The following ABCA12 variants were observed in gnomAD, a reference collection of about 807,000 sequenced individuals.
ABCA12 encodes ATP binding cassette subfamily A member 12, also known as glucosylceramide transporter ABCA12.
In ABCA12, 156 loss-of-function variants were observed where a neutral mutation model predicts 293.5. The observed-to-expected ratio is 0.53, with a 90% CI of 0.47 to 0.61. The LOEUF is 0.61. Among genes scored for constraint, ABCA12 ranks in the 20% least tolerant of loss-of-function variants. ABCA12 has a pLI of 0.00. For synonymous variants in ABCA12, 1,063 were observed against 1,108.0 expected (o/e 0.96, Z 0.81); for missense variants, 2,797 against 3,090.2 (o/e 0.91, Z 2.25).
intron 49 of ABCA12, among the ~76,000 whole-genome samples, chr2:214,944,763 A>T (rs1698524351): frequency 6.6e-6 from 1 of 152,040 alleles, no homozygotes. Context: ...TCACCATGAA[A>T]CCTGCCTGAC....
At chr2:215,120,463 A>G (rs541478124) in intron 1 of ABCA12, among the ~76,000 whole-genome samples, 1 of 152,196 alleles carries the variant, frequency 6.6e-6, no homozygotes, top group Admixed American at 6.5e-5. Flanking sequence ...TGCAAGAGAA[A>G]GATAAAGAAA....
At chr2:215,131,702 GTTTTTTTTT>G (rs35844951) in intron 1 of ABCA12, among the ~76,000 whole-genome samples, 2 of 80,182 alleles carry the variant, frequency 2.5e-5, no homozygotes, top group South Asian at 9.5e-4. Context: ...CCTTTCTATT[GTTTTTTTTT>G]TTTTTTTTTT....
At chr2:215,063,568 T>C (rs1701577837) in intron 3 of ABCA12, among the ~76,000 whole-genome samples, 1 of 152,032 alleles carries the variant, frequency 6.6e-6, no homozygotes, top group African/African-American at 2.4e-5. Context: ...ATTTAAAGGT[T>C]GTCATTCAAT....
chr2:214,944,748 T>C (rs913689328), intron 49 of ABCA12, among the ~76,000 whole-genome samples: 1 of 152,092 alleles, frequency 6.6e-6, no homozygotes, highest in African/African-American at 2.4e-5. Context: ...ACAGGAACTA[T>C]ATTCTCACCA....
chr2:214,959,058 G>T lies in ABCA12; in HGVS notation c.5905C>A (p.Pro1969Thr). Residue 1969 changes from proline to threonine, a missense_variant, in exon 40 of 53, where the codon CCT (proline) becomes ACT (threonine). Coordinates refer to ENST00000272895, the MANE Select transcript of ABCA12 (RefSeq NM_173076.3). ...TCTTGGTCTTGCACTCCTGGATAAG[G>T]ATGGCTATACATGATGATGCCTTAA... ...ARHGIIMYSHPYPGVQDQEQA... is the reference protein window; with the variant it reads ...ARHGIIMYSHTYPGVQDQEQA... The T allele has an allele frequency of 6.2e-7, 1 of 1,613,868 alleles. No individual in the cohort carries two copies. The highest frequency in any genetic ancestry group is 1.1e-5 in the South Asian group (1 of 91,082).
rs1442589741 is a variant in ABCA12 at position 215,000,936 on chromosome 2, T to C, written c.2948A>G (p.Tyr983Cys). Residue 983 changes from tyrosine (Y) to cysteine (C), a missense_variant, in exon 22 of 53, where the codon TAT (tyrosine) becomes TGT (cysteine). This residue lies in a region of ABCA12 where 2,130 missense variants were observed against 2,427.0 expected (regional missense o/e 0.88). Transcript: ENST00000272895. ...GNVFLPPVIK[Y>C]TIRMSLKTAQ... Reference sequence around the variant, plus strand: ...GGTCTTGAGACTCATCCGGATGGTATATTTTATGACAGGAGGAAGAAAGAC... The same window carrying C: ...GGTCTTGAGACTCATCCGGATGGTACATTTTATGACAGGAGGAAGAAAGAC... 7 of 1,614,070 alleles carry C rather than the reference T, an allele frequency of 4.3e-6. No homozygotes were observed. Among genetic ancestry groups the C allele is most frequent in the Non-Finnish European group, 2.5e-6 (3 of 1,179,980 alleles).
At chr2:215,023,062 G>C (rs1026879659) in intron 11 of ABCA12, 1 of 152,126 alleles carries the variant, frequency 6.6e-6, no homozygotes, top group Non-Finnish European at 1.5e-5. Context: ...TGAATGCCAG[G>C]GTTCACCACT....
chr2:215,100,727 C>T (rs1265159901), intron 2 of ABCA12, among the ~76,000 whole-genome samples: 1 of 152,122 alleles, frequency 6.6e-6, no homozygotes, highest in Non-Finnish European at 1.5e-5. Flanking sequence ...CTTTACAGCC[C>T]TAGGCACATC....
chr2:215,064,103 G>A lies in ABCA12; in HGVS notation c.280C>T (p.Arg94Cys), dbSNP rs567588953. 63 of 1,612,842 alleles carry A rather than the reference G, an allele frequency of 3.9e-5. 1 individual carries two copies. In the South Asian group the frequency reaches 5.7e-4, roughly 15 times the overall value. The change falls in exon 3 of 53, where the codon CGT becomes TGT. Residue 94 changes from arginine (R) to cysteine (C), a missense_variant. This residue lies in a region of ABCA12 where 656 missense variants were observed against 638.2 expected (regional missense o/e 1.03). Transcript: ENST00000272895. ...AGTGCATCATCAATTCCTTTCCTAC[G>A]AAGCAGATCTTGTGGGCCATAGGGT... is the stretch of plus-strand genomic sequence containing the variant. ...DTPYGPQDLL[R>C]RKGIDDALFK...
chr2:215,041,956 G>T (rs1162815379), intron 7 of ABCA12, among the ~76,000 whole-genome samples: 1 of 152,140 alleles, frequency 6.6e-6, no homozygotes, highest in East Asian at 1.9e-4. Flanking sequence ...TTCTTGTATG[G>T]GAAGTATCTA....
chr2:215,030,410 T>C (rs1700847273), intron 9 of ABCA12, among the ~76,000 whole-genome samples: 1 of 147,176 alleles, frequency 6.8e-6, no homozygotes, highest in African/African-American at 2.5e-5. Context: ...CCGGCTAACA[T>C]GGTGAAACCC....
chr2:215,136,204 C>T (rs1358651848), intron 1 of ABCA12, among the ~76,000 whole-genome samples: 1 of 152,126 alleles, frequency 6.6e-6, no homozygotes, highest in Non-Finnish European at 1.5e-5. Flanking sequence ...AGTATAGTTA[C>T]CAGAGTTTAT....
At chr2:214,993,966 A>T (rs1421755254) in intron 23 of ABCA12, among the ~76,000 whole-genome samples, 1 of 152,134 alleles carries the variant, frequency 6.6e-6, no homozygotes, top group Non-Finnish European at 1.5e-5. Flanking sequence ...AATTTGCAAA[A>T]GTTAGAGACT....
At chr2:215,016,792 T>C (rs577070663) in intron 14 of ABCA12, among the ~76,000 whole-genome samples, 89 of 152,140 alleles carry the variant, frequency 5.8e-4, no homozygotes, top group Non-Finnish European at 8.8e-4. Flanking sequence ...GTAATGCTCC[T>C]GTAGATAGTG....
chr2:215,102,028 CGTGT>C (rs71399171), intron 2 of ABCA12, among the ~76,000 whole-genome samples: 2 of 149,986 alleles, frequency 1.3e-5, no homozygotes, highest in Non-Finnish European at 3.0e-5. Context: ...TGTTTGTACA[CGTGT>C]GTGTGTGTGT....
At chr2:215,048,349 A>G (rs955716860) in intron 6 of ABCA12, among the ~76,000 whole-genome samples, 1 of 152,122 alleles carries the variant, frequency 6.6e-6, no homozygotes, top group Non-Finnish European at 1.5e-5. Context: ...TTATCCTACT[A>G]TAAAGACATA....
intron 3 of ABCA12, among the ~76,000 whole-genome samples, chr2:215,058,202 G>A (rs2888329): frequency 0.64 from 97,486 of 151,844 alleles, 31,947 homozygotes; most frequent in African/African-American, 0.77. Context: ...CCCCTACCCC[G>A]GGGGACATTT....
chr2:215,025,264 T>G, intron 11 of ABCA12: 1 of 165,524 alleles, frequency 6.0e-6, no homozygotes, highest in Admixed American at 6.1e-5. Context: ...CTCCACTGAT[T>G]AAAAAAAAAT....
At chr2:215,036,842 C>T in intron 8 of ABCA12, 111 bp downstream of exon 8, 1 of 944,200 alleles carries the variant, frequency 1.1e-6, no homozygotes, top group Non-Finnish European at 1.7e-6. Context: ...GCATATGTCC[C>T]CACCTAAGAA....
Sources: allele counts gnomAD v4.1 joint callset (sites outside exome capture counted in the v4.1 genomes callset), GRCh38; gene constraint gnomAD v4.1.1; regional missense constraint gnomAD v4.1.1; transcripts MANE v1.5; gene names NCBI Gene and HGNC (gene_info 2026-07-23, HGNC 2026-07-21).